SREK1IP1: variants seen among roughly 807,000 people sequenced by gnomAD.
The protein encoded by SREK1IP1 is SREK1 interacting protein 1.
A neutral mutation model predicts 22.8 loss-of-function variants in SREK1IP1; 12 were observed. That is an observed-to-expected ratio of 0.53 (90% confidence interval 0.34 to 0.85). The LOEUF is 0.85. Ranked by LOEUF, SREK1IP1 falls within the 40% of genes least tolerant of loss-of-function variation. The pLI, the probability that SREK1IP1 is intolerant of heterozygous loss-of-function variation, is 0.02. For synonymous variants in SREK1IP1, 53 were observed against 52.7 expected, an observed-to-expected ratio of 1.01 and a Z score of -0.02; for missense variants, 147 against 171.8, an observed-to-expected ratio of 0.86 and a Z score of 0.81.
At position 64,718,354 on chromosome 5, in the gene SREK1IP1, T is replaced by C. The variant is rs1423503361; in HGVS notation, c.*6030A>G. On this transcript the variant is annotated 3_prime_UTR_variant, in exon 5 of 5. Transcript: ENST00000513458. ...GAAGTTTATGTCACATTACCAGCAT[T>C]TCTCAACTTTCTGATACTTACAGGC... is the stretch of plus-strand genomic sequence containing the variant. 1.1e-5 allele frequency: 2 copies of C among 179,608 alleles called. No individual in the cohort carries two copies. The highest frequency in any genetic ancestry group is 1.1e-5 in the Non-Finnish European group (1 of 87,438). The allele number at this position is 179,608 out of a possible 1,614,324, so 11.1% of individuals were successfully genotyped here.
chr5:64,747,180 G>C (rs911999041), intron 2 of SREK1IP1, among the ~76,000 whole-genome samples: 6 of 152,140 alleles, frequency 3.9e-5, no homozygotes, highest in African/African-American at 1.4e-4. Flanking sequence ...GGCCCCATTA[G>C]ATAGGCGTGA....
intron 2 of SREK1IP1, among the ~76,000 whole-genome samples, chr5:64,745,710 A>T (rs1024121630): frequency 1.3e-5 from 2 of 152,194 alleles, no homozygotes; most frequent in African/African-American, 2.4e-5. Flanking sequence ...AATAATGACC[A>T]TACTGGTAGC....
At chr5:64,735,639 T>G (rs1293149443) in intron 3 of SREK1IP1, among the ~76,000 whole-genome samples, 1 of 152,114 alleles carries the variant, frequency 6.6e-6, no homozygotes, top group African/African-American at 2.4e-5. Flanking sequence ...GTTATCCAAT[T>G]TATTGGCATA....
intron 2 of SREK1IP1, among the ~76,000 whole-genome samples, chr5:64,741,447 G>A (rs1742550323): frequency 1.3e-5 from 2 of 151,942 alleles, no homozygotes; most frequent in East Asian, 3.9e-4. Context: ...ATTTTTGGGG[G>A]CCACTTCTTA....
chr5:64,737,583 A>C (rs1742486952), intron 3 of SREK1IP1, among the ~76,000 whole-genome samples: 1 of 151,076 alleles, frequency 6.6e-6, no homozygotes, highest in Non-Finnish European at 1.5e-5. Context: ...ACTAGAAAAA[A>C]AAAACACAAT....
intron 3 of SREK1IP1, among the ~76,000 whole-genome samples, chr5:64,730,833 C>CA (rs1199091157): frequency 6.6e-6 from 1 of 152,134 alleles, no homozygotes; most frequent in Non-Finnish European, 1.5e-5. Context: ...GTAAGGGGAT[C>CA]AGCATAGAGA....
intron 3 of SREK1IP1, among the ~76,000 whole-genome samples, chr5:64,728,959 G>A (rs1357399999): frequency 2.0e-5 from 3 of 152,088 alleles, no homozygotes; most frequent in Non-Finnish European, 2.9e-5. Flanking sequence ...TTTGGGAGGC[G>A]AGGCGGGTGG....
intron 1 of SREK1IP1, among the ~76,000 whole-genome samples, chr5:64,758,778 G>A (rs561271053): frequency 6.6e-6 from 1 of 152,292 alleles, no homozygotes; most frequent in Non-Finnish European, 1.5e-5. Flanking sequence ...CACAGTTTTA[G>A]AGTAAACAAA....
At position 64,721,200 on chromosome 5, in the gene SREK1IP1, G is replaced by A. The variant is rs1415195274; in HGVS notation, c.*3184C>T. 6.6e-6 allele frequency: 1 copy of A among 152,056 alleles called. No homozygotes were observed. Among genetic ancestry groups the A allele is most frequent in the African/African-American group, 2.4e-5 (1 of 41,390 alleles). 9.4% of individuals were successfully genotyped at this position (152,056 alleles called of 1,614,324 possible). ...TCAATTACTGCACTAATTATATAACGGTGTATGCTCTGGTGTTTCTCCTAC... is the reference window on the plus strand; with the variant it reads ...TCAATTACTGCACTAATTATATAACAGTGTATGCTCTGGTGTTTCTCCTAC... On this transcript the variant is annotated 3_prime_UTR_variant, in exon 5 of 5. Transcript: ENST00000513458.
At chr5:64,753,906 A>G (rs906926182) in intron 2 of SREK1IP1, among the ~76,000 whole-genome samples, 1 of 152,246 alleles carries the variant, frequency 6.6e-6, no homozygotes, top group Admixed American at 6.5e-5. Flanking sequence ...AAATTCTGAG[A>G]CCAATTGAAT....
At chr5:64,740,218 ACCTGGAGAAATCTCT>A (rs903637278) in intron 3 of SREK1IP1, among the ~76,000 whole-genome samples, 1 of 152,072 alleles carries the variant, frequency 6.6e-6, no homozygotes, top group African/African-American at 2.4e-5. Flanking sequence ...ACAGAGAGTG[ACCTGGAGAAATCTCT>A]CTGAAACACA....
intron 2 of SREK1IP1, among the ~76,000 whole-genome samples, chr5:64,751,935 C>A (rs1175284673): frequency 2.6e-5 from 4 of 152,062 alleles, no homozygotes; most frequent in Admixed American, 2.6e-4. Flanking sequence ...TTATTTCCTG[C>A]TGCTGTGATC....
intron 2 of SREK1IP1, among the ~76,000 whole-genome samples, chr5:64,753,176 T>A (rs1742778434): frequency 6.6e-6 from 1 of 152,202 alleles, no homozygotes; most frequent in South Asian, 2.1e-4. Flanking sequence ...AGTCCAAGTA[T>A]AGAGACTGAT....
chr5:64,750,190 C>T (rs1742716909), intron 2 of SREK1IP1, among the ~76,000 whole-genome samples: 1 of 152,118 alleles, frequency 6.6e-6, no homozygotes, highest in African/African-American at 2.4e-5. Context: ...TTATCATCTG[C>T]AACTGTTTTA....
rs1742146639 is a variant in SREK1IP1, at chr5:64,720,706, C to A, written c.*3678G>T. 6.6e-6 allele frequency: 1 copy of A among 152,240 alleles called. No homozygotes were observed. The highest frequency in any genetic ancestry group is 1.5e-5 in the Non-Finnish European group (1 of 68,092). 9.4% of individuals were successfully genotyped at this position (152,240 alleles called of 1,614,324 possible). The stretch of plus-strand genomic sequence containing the variant: ...TATTTTTAGTAGAGACAGGGTTTCG[C>A]CAAGTTGGCCAGGCTGGTCTTGAAC... On this transcript the variant is annotated 3_prime_UTR_variant, in exon 5 of 5. Transcript: ENST00000513458.
rs1159149111 is a variant in SREK1IP1 at position 64,754,315 on chromosome 5, G to T, written c.61C>A (p.Pro21Thr). The T allele has an allele frequency of 6.2e-7, 1 of 1,613,550 alleles. No homozygotes were observed. Among genetic ancestry groups the T allele is most frequent in the Non-Finnish European group, 8.5e-7 (1 of 1,179,720 alleles). ...GCATGTCATCTTTTAGAATACTTAC[G>T]GTAGCCACATTTTTTACAGCCTGCT... ...VRAGCKKCGY[P>T]GHLTFECRNF... Residue 21 changes from proline to threonine, a missense_variant and splice_region_variant, in exon 2 of 5, where the codon CCT becomes ACT. This residue lies in a region of SREK1IP1 where 62 missense variants were observed against 73.3 expected (regional missense o/e 0.85). Transcript: ENST00000513458.
chr5:64,744,576 G>A (rs1279822229), intron 2 of SREK1IP1, among the ~76,000 whole-genome samples: 1 of 152,158 alleles, frequency 6.6e-6, no homozygotes, highest in Non-Finnish European at 1.5e-5. Flanking sequence ...TGGGTAATAT[G>A]AAATTGCCAT....
intron 2 of SREK1IP1, among the ~76,000 whole-genome samples, chr5:64,744,581 T>A (rs1742602536): frequency 6.6e-6 from 1 of 152,212 alleles, no homozygotes; most frequent in African/African-American, 2.4e-5. Flanking sequence ...AATATGAAAT[T>A]GCCATTTTTG....
Position 64,768,670 on chromosome 5 carries a change from A to G in SREK1IP1, c.-153T>C. ...GGTCGGGAAGGGCCTGTACGCCTCT[A>G]GCGACGGCAGAACCAGTAGATGCGG... On this transcript the variant is annotated 5_prime_UTR_variant, in exon 1 of 5. Coordinates refer to ENST00000513458, the MANE Select transcript of SREK1IP1 (RefSeq NM_173829.4). 1 of 979,798 alleles carries G rather than the reference A, an allele frequency of 1.0e-6. No homozygotes were observed. Among genetic ancestry groups the G allele is most frequent in the Admixed American group, 2.2e-5 (1 of 44,874 alleles). The allele number at this position is 979,798 out of a possible 1,614,324, so 60.7% of individuals were successfully genotyped here. A position where few individuals can be genotyped will look rare whatever the true frequency, so the allele number is the denominator to read the frequency against.
Sources: allele counts gnomAD v4.1 joint callset (sites outside exome capture counted in the v4.1 genomes callset), GRCh38; gene constraint gnomAD v4.1.1; regional missense constraint gnomAD v4.1.1; transcripts MANE v1.5; gene names NCBI Gene and HGNC (gene_info 2026-07-23, HGNC 2026-07-21).